The following PTPRE variants were observed in gnomAD, a reference collection of about 807,000 sequenced individuals.
PTPRE encodes the protein protein tyrosine phosphatase receptor type E, also known as receptor-type tyrosine-protein phosphatase epsilon.
A neutral mutation model predicts 102.0 loss-of-function variants in PTPRE; 51 were observed. The ratio of observed to expected loss-of-function variants is 0.50; its 90% CI spans 0.40 to 0.63. The LOEUF is 0.63. Among genes scored for constraint, PTPRE ranks in the 30% least tolerant of loss-of-function variants. PTPRE has a pLI of 0.00. For synonymous variants in PTPRE, 345 were observed against 348.2 expected (o/e 0.99, Z 0.10); for missense variants, 752 against 915.1 (o/e 0.82, Z 2.30).
intron 2 of PTPRE, chr10:127,998,147 A>G (rs1421198279): frequency 6.6e-6 from 1 of 152,278 alleles, no homozygotes; most frequent in Non-Finnish European, 1.5e-5. Flanking sequence ...TGTTGCAGTC[A>G]GTAGCGCTGG....
At chr10:127,929,509 CTATAGT>C (rs1253612198) in intron 1 of PTPRE, 1 of 152,076 alleles carries the variant, frequency 6.6e-6, no homozygotes, top group Non-Finnish European at 1.5e-5. Context: ...GATCTGAAAA[CTATAGT>C]TACCGCCCTC....
chr10:128,014,959 C>T (rs551026390), intron 2 of PTPRE, among the ~76,000 whole-genome samples: 2 of 152,292 alleles, frequency 1.3e-5, no homozygotes, highest in Admixed American at 6.5e-5. Context: ...CAGAGGGTCA[C>T]ACAAGAGTGC....
intron 1 of PTPRE, among the ~76,000 whole-genome samples, chr10:127,927,520 G>A (rs1427865303): frequency 6.6e-6 from 1 of 152,174 alleles, no homozygotes; most frequent in African/African-American, 2.4e-5. Context: ...AAGTTGTTCA[G>A]GGCCATGTAA....
intron 1 of PTPRE, among the ~76,000 whole-genome samples, chr10:127,916,245 T>C (rs187772988): frequency 1.3e-5 from 2 of 152,058 alleles, no homozygotes; most frequent in Non-Finnish European, 2.9e-5. Flanking sequence ...TTGTAGGAGG[T>C]GATTAGATCA....
At chr10:127,912,036 G>A (rs1049596181) in intron 1 of PTPRE, among the ~76,000 whole-genome samples, 5 of 152,174 alleles carry the variant, frequency 3.3e-5, no homozygotes, top group Non-Finnish European at 5.9e-5. Context: ...CTGGATGTGG[G>A]CTAGGAGACC....
At position 127,935,418 on chromosome 10, in the gene PTPRE, C is replaced by T. The variant is rs185215216; in HGVS notation, c.-31+28109C>T. Among the ~76,000 whole-genome samples, 11 of 152,284 alleles carry T rather than the reference C, an allele frequency of 7.2e-5. No individual in the cohort carries two copies. The East Asian group carries it at 1.4e-3, about 19-fold the overall frequency. ...CTTGAATCCCATTACCAGGGGCAAC[C>T]GATCCTTCTTGTCCTTTCCCAGATT... is the stretch of plus-strand genomic sequence containing the variant. On this transcript the variant is annotated intron_variant, in intron 1 of 20. Coordinates refer to ENST00000254667, the MANE Select transcript of PTPRE (RefSeq NM_006504.6).
intron 4 of PTPRE, 21 bp from the exon 5 acceptor site, chr10:128,047,743 A>G (rs558606221): frequency 5.6e-6 from 9 of 1,612,332 alleles, no homozygotes; most frequent in Non-Finnish European, 6.8e-6. Flanking sequence ...GTGGAAACCT[A>G]ACGCATCCTG....
chr10:127,927,782 G>A (rs925692322), intron 1 of PTPRE, among the ~76,000 whole-genome samples: 3 of 152,160 alleles, frequency 2.0e-5, no homozygotes, highest in Non-Finnish European at 2.9e-5. Flanking sequence ...TAGTTTAGTC[G>A]TATCAGTGAA....
At chr10:127,976,209 A>G (rs979930282) in intron 1 of PTPRE, among the ~76,000 whole-genome samples, 4 of 152,166 alleles carry the variant, frequency 2.6e-5, no homozygotes, top group Admixed American at 2.6e-4. Context: ...CAAGAGGTGA[A>G]CAAATTCATA....
At chr10:128,068,412 C>T (rs1850471734) in intron 12 of PTPRE, 126 bp downstream of exon 12, 1 of 1,096,894 alleles carries the variant, frequency 9.1e-7, no homozygotes, top group East Asian at 2.6e-5. Context: ...CTGATGTGAA[C>T]ACAAATGTCA....
At chr10:127,920,665 C>T (rs994541898) in intron 1 of PTPRE, among the ~76,000 whole-genome samples, 2 of 152,200 alleles carry the variant, frequency 1.3e-5, no homozygotes, top group African/African-American at 2.4e-5. Flanking sequence ...CCACCCCATA[C>T]ACTGGCGGGG....
At chr10:128,079,962 TGAG>T (rs1851557778) in intron 20 of PTPRE, among the ~76,000 whole-genome samples, 1 of 152,206 alleles carries the variant, frequency 6.6e-6, no homozygotes, top group African/African-American at 2.4e-5. Context: ...AGAGACGCAC[TGAG>T]GATAGGAGCT....
At chr10:128,004,154 C>T (rs759525909) in intron 2 of PTPRE, among the ~76,000 whole-genome samples, 44 of 151,088 alleles carry the variant, frequency 2.9e-4, no homozygotes, top group East Asian at 1.9e-4. Flanking sequence ...GTGTTAATAA[C>T]GATGATACTA....
chr10:127,936,762 A>T (rs1277305599), intron 1 of PTPRE, among the ~76,000 whole-genome samples: 1 of 152,084 alleles, frequency 6.6e-6, no homozygotes, highest in Non-Finnish European at 1.5e-5. Flanking sequence ...AGAGGCTGAA[A>T]CCCGGGGCTC....
intron 3 of PTPRE, 143 bp from the exon 4 acceptor site, chr10:128,047,247 T>G: frequency 9.1e-6 from 11 of 1,215,062 alleles, no homozygotes; most frequent in South Asian, 1.6e-5. Context: ...TGTTACCTCG[T>G]GGGGCCTTTT....
intron 1 of PTPRE, among the ~76,000 whole-genome samples, chr10:127,937,253 A>G (rs947813766): frequency 6.6e-6 from 1 of 152,224 alleles, no homozygotes; most frequent in African/African-American, 2.4e-5. Flanking sequence ...TCCCCTAGGA[A>G]GAAAAAAAGG....
chr10:127,933,656 A>T (rs1479728513), intron 1 of PTPRE, among the ~76,000 whole-genome samples: 1 of 152,240 alleles, frequency 6.6e-6, no homozygotes, highest in African/African-American at 2.4e-5. Flanking sequence ...TAATTACAAT[A>T]TCAAGAATGT....
intron 17 of PTPRE, among the ~76,000 whole-genome samples, chr10:128,073,704 A>G (rs1252235431): frequency 6.6e-6 from 1 of 152,222 alleles, no homozygotes; most frequent in Non-Finnish European, 1.5e-5. Flanking sequence ...CTTAGCCTAC[A>G]TGTTATTTAA....
intron 1 of PTPRE, among the ~76,000 whole-genome samples, chr10:127,978,495 C>T (rs1416633211): frequency 6.6e-6 from 1 of 152,042 alleles, no homozygotes; most frequent in Non-Finnish European, 1.5e-5. Flanking sequence ...GAGATATGAT[C>T]GTGCCACTGA....
Sources: allele counts gnomAD v4.1 joint callset (sites outside exome capture counted in the v4.1 genomes callset), GRCh38; gene constraint gnomAD v4.1.1; transcripts MANE v1.5; gene names NCBI Gene and HGNC (gene_info 2026-07-23, HGNC 2026-07-21).